KIAA0586: variants seen among roughly 807,000 people sequenced by gnomAD.
KIAA0586 encodes KIAA0586, also known as protein TALPID3.
A neutral mutation model predicts 169.8 loss-of-function variants in KIAA0586; 144 were observed. That is an observed-to-expected ratio of 0.85 (90% CI 0.74 to 0.97). The LOEUF is 0.97. Among genes scored for constraint, KIAA0586 ranks in the 50% least tolerant of loss-of-function variants. The pLI is 0.00. For missense variants in KIAA0586, 1,854 were observed against 1,823.0 expected (o/e 1.02, Z -0.31); for synonymous variants, 625 against 612.4 (o/e 1.02, Z -0.30).
chr14:58,543,843 G>A (rs534789971), intron 30 of KIAA0586: 2 of 450,002 alleles, frequency 4.4e-6, no homozygotes, highest in South Asian at 1.6e-5. Context: ...ACAGCTATTA[G>A]GATGATTTTT....
At chr14:58,529,924 T>G (rs1391203909) in intron 29 of KIAA0586, among the ~76,000 whole-genome samples, 4 of 152,192 alleles carry the variant, frequency 2.6e-5, no homozygotes, top group African/African-American at 9.7e-5. Flanking sequence ...ATTGTCTCTG[T>G]TTGCAGATGA....
chr14:58,493,230 CT>C (rs990699618), intron 26 of KIAA0586, among the ~76,000 whole-genome samples: 4 of 151,806 alleles, frequency 2.6e-5, no homozygotes, highest in Non-Finnish European at 2.9e-5. Flanking sequence ...GGTAAAGAAG[CT>C]TTTTTTTAAG....
chr14:58,538,797 T>C (rs2046461319), intron 29 of KIAA0586, among the ~76,000 whole-genome samples: 1 of 152,102 alleles, frequency 6.6e-6, no homozygotes, highest in Non-Finnish European at 1.5e-5. Flanking sequence ...TTTTTTCTTT[T>C]CTTTTCCAGC....
In KIAA0586 at chr14:58,458,734, C is replaced by G. The variant is rs150923099; in HGVS notation, c.1656+189C>G. Among the ~76,000 whole-genome samples, 105 of 152,236 alleles carry G rather than the reference C, an allele frequency of 6.9e-4. 1 individual carries two copies. The highest frequency in any genetic ancestry group is 6.8e-3 in the Middle Eastern group (2 of 294). The stretch of plus-strand genomic sequence containing the variant: ...TTGTTTAACAAGTATATTATCTCCA[C>G]TTATATTCTGGCTCTTATTTGGCAA... On this transcript the variant is annotated intron_variant, in intron 12 of 30. Coordinates refer to ENST00000652326, the MANE Select transcript of KIAA0586 (RefSeq NM_001329943.3).
intron 29 of KIAA0586, among the ~76,000 whole-genome samples, chr14:58,518,415 A>G (rs1456505388): frequency 6.6e-6 from 1 of 152,208 alleles, no homozygotes; most frequent in African/African-American, 2.4e-5. Flanking sequence ...TTTATGTTTT[A>G]TAATTAATAG....
Position 58,512,511 on chromosome 14 carries a change from A to T in KIAA0586, c.4324-11A>T, listed in dbSNP as rs1215096089. On this transcript the variant is annotated splice_polypyrimidine_tract_variant and intron_variant, in intron 28 of 30. Transcript: ENST00000652326. ...AAATAATATTATGACTTCATATCTT[A>T]AATTATTTAGTACCAACTAAAGCAA... 1.4e-6 allele frequency: 2 copies of T among 1,396,588 alleles called. No individual in the cohort carries two copies. The highest frequency in any genetic ancestry group is 9.6e-7 in the Non-Finnish European group (1 of 1,043,160). 86.5% of individuals were successfully genotyped at this position (1,396,588 alleles called of 1,614,324 possible). A position where few individuals can be genotyped will look rare whatever the true frequency, so the allele number is the denominator to read the frequency against.
At chr14:58,459,783 G>T (rs1176361742) in intron 12 of KIAA0586, 60 bp from the exon 13 acceptor site, 6 of 919,170 alleles carry the variant, frequency 6.5e-6, no homozygotes, top group Non-Finnish European at 9.6e-6. Context: ...AATACTTTCT[G>T]ATGTGAAAGC....
At chr14:58,467,988 G>A (rs1394636179) in intron 16 of KIAA0586, 66 bp downstream of exon 16, 26 of 995,418 alleles carry the variant, frequency 2.6e-5, no homozygotes, top group East Asian at 5.0e-5. Flanking sequence ...ACGTTAGTAC[G>A]GAAATCCATT....
intron 19 of KIAA0586, 121 bp downstream of exon 19, chr14:58,474,918 G>C: frequency 1.3e-6 from 1 of 758,104 alleles, no homozygotes; most frequent in Non-Finnish European, 2.0e-6. Context: ...CTTTGCTTTA[G>C]TCACTGGAAA....
chr14:58,465,516 G>A (rs1395261616), intron 14 of KIAA0586, among the ~76,000 whole-genome samples: 3 of 152,170 alleles, frequency 2.0e-5, no homozygotes, highest in Non-Finnish European at 2.9e-5. Flanking sequence ...TGGCCTACAC[G>A]TGAGCTGCCT....
chr14:58,428,073 A>G lies in KIAA0586; in HGVS notation c.-192A>G. The G allele has an allele frequency of 6.9e-7, 1 of 1,446,602 alleles. No homozygotes were observed. The allele number at this position is 1,446,602 out of a possible 1,614,324, so 89.6% of individuals were successfully genotyped here. On this transcript the variant is annotated 5_prime_UTR_variant, in exon 1 of 31. Coordinates refer to ENST00000652326, the MANE Select transcript of KIAA0586 (RefSeq NM_001329943.3). ...GTGTATTAATAGACTGAGTGGGATTAATGGGTAAATATGACTTTATAGTCA... is the reference window on the plus strand; with the variant it reads ...GTGTATTAATAGACTGAGTGGGATTGATGGGTAAATATGACTTTATAGTCA...
chr14:58,473,699 A>G (rs1327313547), intron 18 of KIAA0586, among the ~76,000 whole-genome samples: 2 of 152,146 alleles, frequency 1.3e-5, no homozygotes, highest in South Asian at 4.1e-4. Context: ...TGAGGTCAGG[A>G]GTTCAGGACC....
Position 58,456,363 on chromosome 14 carries a change from T to A in KIAA0586, c.1254-339T>A, listed in dbSNP as rs375165306. On this transcript the variant is annotated intron_variant, in intron 9 of 30. Coordinates refer to ENST00000652326, the MANE Select transcript of KIAA0586 (RefSeq NM_001329943.3). Reference sequence around the variant, plus strand: ...TTGATGATTTTTGCTAGGGTTCTCATTGTGCTTATGGAGAAGCAGATTTTC... The same window carrying A: ...TTGATGATTTTTGCTAGGGTTCTCAATGTGCTTATGGAGAAGCAGATTTTC... Among the ~76,000 whole-genome samples, 281 of 152,280 alleles carry A rather than the reference T, an allele frequency of 1.8e-3. 1 individual carries two copies. The highest frequency in any genetic ancestry group is 5.6e-3 in the African/African-American group (232 of 41,546).
intron 14 of KIAA0586, among the ~76,000 whole-genome samples, chr14:58,462,088 TG>T (rs1414690646): frequency 6.6e-6 from 1 of 152,232 alleles, no homozygotes; most frequent in Non-Finnish European, 1.5e-5. Context: ...GTGGTTACTT[TG>T]GTTCCCTTTG....
intron 6 of KIAA0586, among the ~76,000 whole-genome samples, chr14:58,445,763 G>A (rs556863379): frequency 9.1e-4 from 127 of 138,864 alleles, no homozygotes; most frequent in African/African-American, 3.2e-3. Flanking sequence ...CCTAGAACAC[G>A]ACTTAGCACT....
At chr14:58,508,933 AAAG>A (rs1402109015) in intron 28 of KIAA0586, among the ~76,000 whole-genome samples, 3 of 152,150 alleles carry the variant, frequency 2.0e-5, no homozygotes, top group African/African-American at 7.2e-5. Flanking sequence ...TCTTTAAATT[AAAG>A]AATAAAATAA....
At chr14:58,503,120 G>C (rs577107914) in intron 27 of KIAA0586, among the ~76,000 whole-genome samples, 1 of 152,114 alleles carries the variant, frequency 6.6e-6, no homozygotes, top group Non-Finnish European at 1.5e-5. Context: ...TGAATTATTT[G>C]TGGACCCTGG....
chr14:58,476,057 CACTGCACTCCAG>C (rs1477164451), intron 19 of KIAA0586, among the ~76,000 whole-genome samples: 1 of 152,142 alleles, frequency 6.6e-6, no homozygotes, highest in Non-Finnish European at 1.5e-5. Context: ...GAGACTGTGC[CACTGCACTCCAG>C]ACTGGGCGAA....
Position 58,490,239 on chromosome 14 carries a change from TG to T in KIAA0586, c.3858+1del. 6.6e-7 allele frequency: 1 copy of T among 1,515,460 alleles called. No individual in the cohort carries two copies. Among genetic ancestry groups the T allele is most frequent in the East Asian group, 2.5e-5 (1 of 40,630 alleles). The allele number at this position is 1,515,460 out of a possible 1,614,324, so 93.9% of individuals were successfully genotyped here. A position where few individuals can be genotyped will look rare whatever the true frequency, so the allele number is the denominator to read the frequency against. On this transcript the variant is annotated frameshift_variant and splice_region_variant, in exon 25 of 31. Transcript: ENST00000652326. LOFTEE classifies it high-confidence loss of function. ...LSSTLHDAVE[M>X]EDDPPSEGQV... ...AGCACTCTGCATGATGCCGTTGAAA[TG>T]GTAAGTAACGATTGACTCCAACACT...
Sources: allele counts gnomAD v4.1 joint callset (sites outside exome capture counted in the v4.1 genomes callset), GRCh38; gene constraint gnomAD v4.1.1; transcripts MANE v1.5; gene names NCBI Gene and HGNC (gene_info 2026-07-23, HGNC 2026-07-21).